Variants in CSMD1 observed in about 807,000 individuals in gnomAD.
CSMD1 encodes the protein CUB and sushi domain-containing protein 1.
In CSMD1, 213 loss-of-function variants were observed where a neutral mutation model predicts 417.5. The ratio of observed to expected loss-of-function variants is 0.51; its 90% CI spans 0.46 to 0.57. CSMD1 has a LOEUF of 0.57. Ranked by LOEUF, CSMD1 falls within the 20% of genes least tolerant of loss-of-function variation. The pLI, the probability that CSMD1 is intolerant of heterozygous loss-of-function variation, is 0.00. For synonymous variants in CSMD1, 2,862 were observed against 1,736.8 expected (o/e 1.65, Z -16.11); for missense variants, 6,923 against 4,529.7 (o/e 1.53, Z -15.17).
At position 3,724,004 on chromosome 8, in the gene CSMD1, G is replaced by A. The variant is rs1282003235; in HGVS notation, c.932-15513C>T. Among the ~76,000 whole-genome samples the A allele has an allele frequency of 3.9e-5, 2 of 51,592 alleles. 1 individual carries two copies. Among genetic ancestry groups the A allele is most frequent in the Non-Finnish European group, 2.0e-4 (2 of 9,864 alleles). 33.8% of individuals were successfully genotyped at this position (51,592 alleles called of 152,430 possible). ...AAAAATGTCCACTATTATCTAAGAG[G>A]GATATTAAAATACGCCTCTCTTTTT... On this transcript the variant is annotated intron_variant, in intron 6 of 69. Coordinates refer to ENST00000635120, the MANE Select transcript of CSMD1 (RefSeq NM_033225.6).
chr8:3,522,178 G>T (rs1378862593), intron 10 of CSMD1, among the ~76,000 whole-genome samples: 2 of 152,158 alleles, frequency 1.3e-5, no homozygotes, highest in Non-Finnish European at 2.9e-5. Flanking sequence ...GTTCAGCAAT[G>T]TGAAAAATCG....
At chr8:3,644,997 T>G (rs1353412795) in intron 7 of CSMD1, among the ~76,000 whole-genome samples, 1 of 121,110 alleles carries the variant, frequency 8.3e-6, no homozygotes, top group Non-Finnish European at 1.6e-5. Context: ...AAAAAGTCAA[T>G]TGTTCTTTCA....
intron 1 of CSMD1, among the ~76,000 whole-genome samples, chr8:4,733,766 A>C (rs1203725857): frequency 6.6e-6 from 1 of 152,192 alleles, no homozygotes; most frequent in Non-Finnish European, 1.5e-5. Context: ...AAAGAAACAA[A>C]CTTAACAACA....
At chr8:4,888,570 C>T (rs1180360833) in intron 1 of CSMD1, among the ~76,000 whole-genome samples, 3 of 151,252 alleles carry the variant, frequency 2.0e-5, no homozygotes, top group Non-Finnish European at 4.4e-5. Context: ...ACCCCTGTAC[C>T]CTAACTCTAT....
At chr8:3,566,468 C>T (rs1443003592) in intron 10 of CSMD1, among the ~76,000 whole-genome samples, 2 of 152,108 alleles carry the variant, frequency 1.3e-5, no homozygotes, top group Non-Finnish European at 2.9e-5. Flanking sequence ...TCCTCCTGCA[C>T]CTCCACCAGC....
intron 2 of CSMD1, among the ~76,000 whole-genome samples, chr8:4,444,494 A>G (rs1798666696): frequency 1.3e-5 from 2 of 151,976 alleles, no homozygotes; most frequent in South Asian, 2.1e-4. Flanking sequence ...TTCAATTAGG[A>G]TATATTTTGA....
intron 3 of CSMD1, among the ~76,000 whole-genome samples, chr8:4,113,266 T>C (rs1232349490): frequency 6.6e-6 from 1 of 152,078 alleles, no homozygotes; most frequent in East Asian, 1.9e-4. Flanking sequence ...ACATCTCTCA[T>C]TTTAAATCAA....
chr8:3,209,842 T>C (rs1000530843), intron 30 of CSMD1, among the ~76,000 whole-genome samples: 1 of 152,214 alleles, frequency 6.6e-6, no homozygotes, highest in Non-Finnish European at 1.5e-5. Context: ...TGCTTATCCA[T>C]TTGGCTAATT....
chr8:3,277,574 C>A (rs1334886755), intron 26 of CSMD1, among the ~76,000 whole-genome samples: 1 of 152,156 alleles, frequency 6.6e-6, no homozygotes, highest in Admixed American at 6.5e-5. Flanking sequence ...ATCCTGACAG[C>A]CTGAGCCACT....
intron 3 of CSMD1, among the ~76,000 whole-genome samples, chr8:4,200,818 A>T (rs945299958): frequency 6.6e-6 from 1 of 152,244 alleles, no homozygotes; most frequent in Non-Finnish European, 1.5e-5. Context: ...TTGTTAGGCC[A>T]CTGCACTCTC....
At chr8:3,228,696 A>G (rs184105012) in intron 27 of CSMD1, among the ~76,000 whole-genome samples, 7 of 152,286 alleles carry the variant, frequency 4.6e-5, no homozygotes, top group African/African-American at 1.7e-4. Context: ...AATATAAATT[A>G]ATAAATTACT....
In CSMD1 at chr8:3,367,320, C is replaced by G; in HGVS notation, c.2900-73G>C. ...CGGGGCGGCGGGGGCAGAGAGGGAG[C>G]GGGGCAGAGAGAGACAGAGACATAG... On this transcript the variant is annotated intron_variant, in intron 19 of 69. Transcript: ENST00000635120. 4 of 955,822 alleles carry G rather than the reference C, an allele frequency of 4.2e-6. No homozygotes were observed. In the Middle Eastern group the frequency reaches 1.0e-3, roughly 241 times the overall value. The allele number at this position is 955,822 out of a possible 1,614,324, so 59.2% of individuals were successfully genotyped here.
At chr8:3,207,876 T>G (rs1376243131) in intron 30 of CSMD1, among the ~76,000 whole-genome samples, 2 of 152,180 alleles carry the variant, frequency 1.3e-5, no homozygotes, top group Non-Finnish European at 2.9e-5. Context: ...AAACATTTTA[T>G]TTTCACTTTT....
At chr8:3,464,206 G>A (rs62473731) in intron 12 of CSMD1, among the ~76,000 whole-genome samples, 8,355 of 152,034 alleles carry the variant, frequency 0.055, 315 homozygotes, top group Middle Eastern at 0.099. Context: ...AACTCGAACC[G>A]AATTTTTTTT....
At position 3,786,010 on chromosome 8, in the gene CSMD1, G is replaced by A. The variant is rs372729383; in HGVS notation, c.819-31968C>T. ...CTGAGTACTTAGGCTGGGCTGGTGGGCATTGGGGTGAAGAAAATTAGAAGG... is the reference window on the plus strand; with the variant it reads ...CTGAGTACTTAGGCTGGGCTGGTGGACATTGGGGTGAAGAAAATTAGAAGG... On this transcript the variant is annotated intron_variant, in intron 5 of 69. Transcript: ENST00000635120. Among the ~76,000 whole-genome samples the A allele has an allele frequency of 4.6e-5, 7 of 152,282 alleles. No homozygotes were observed. The East Asian group carries it at 1.2e-3, about 25-fold the overall frequency.
chr8:4,540,004 G>A (rs1056907801), intron 2 of CSMD1, among the ~76,000 whole-genome samples: 1 of 152,114 alleles, frequency 6.6e-6, no homozygotes, highest in Non-Finnish European at 1.5e-5. Flanking sequence ...GCCGCTCACC[G>A]GGGCCCTCTT....
Position 3,845,708 on chromosome 8 carries a change from A to G in CSMD1, c.819-91666T>C, listed in dbSNP as rs534890188. Among the ~76,000 whole-genome samples, 17 of 152,158 alleles carry G rather than the reference A, an allele frequency of 1.1e-4. No individual in the cohort carries two copies. The South Asian group carries it at 3.6e-3, about 32-fold the overall frequency. ...CTTACTGTAACATTTTGTATTTTAT[A>G]AAGTTTTTGATTTTTCATCTTTTTT... On this transcript the variant is annotated intron_variant, in intron 5 of 69. Transcript: ENST00000635120.
chr8:3,047,618 C>G (rs986849099), intron 50 of CSMD1, among the ~76,000 whole-genome samples: 5 of 152,180 alleles, frequency 3.3e-5, no homozygotes, highest in African/African-American at 1.2e-4. Context: ...TTGTTTGCTC[C>G]CGTCTTTTCG....
chr8:4,893,762 C>T (rs1345131676), intron 1 of CSMD1, among the ~76,000 whole-genome samples: 4 of 152,236 alleles, frequency 2.6e-5, no homozygotes, highest in African/African-American at 7.2e-5. Context: ...AATCTATGTG[C>T]TGCTTTCAGA....
Sources: gnomAD v4.1 joint callset for allele counts (sites outside exome capture counted in the v4.1 genomes callset) on GRCh38, gnomAD v4.1.1 for gene constraint, MANE v1.5 for transcripts, NCBI Gene and HGNC (gene_info 2026-07-23, HGNC 2026-07-21) for gene names.